The following RNF169 variants were observed in gnomAD, a reference collection of about 807,000 sequenced individuals.
RNF169 encodes the protein ring finger protein 169.
A neutral mutation model predicts 53.9 loss-of-function variants in RNF169; 24 were observed. The observed-to-expected ratio is 0.45, with a 90% CI of 0.32 to 0.63. The LOEUF (loss-of-function observed/expected upper bound fraction) is 0.63. Ranked by LOEUF, RNF169 falls within the 20% of genes least tolerant of loss-of-function variation. The pLI is 0.04. For synonymous variants in RNF169, 396 were observed against 363.5 expected (o/e 1.09, Z -1.02); for missense variants, 883 against 906.2 (o/e 0.97, Z 0.33).
At chr11:74,774,994 A>G (rs1392933717) in intron 1 of RNF169, among the ~76,000 whole-genome samples, 1 of 152,170 alleles carries the variant, frequency 6.6e-6, no homozygotes, top group Non-Finnish European at 1.5e-5. Context: ...TAAATGAGAA[A>G]GCAGAAACAG....
intron 5 of RNF169, 132 bp from the exon 6 acceptor site, chr11:74,835,414 C>T: frequency 1.5e-6 from 1 of 665,232 alleles, no homozygotes. Context: ...TTCTCCATTT[C>T]TTAGGCTCAC....
In RNF169 at chr11:74,836,751, A is replaced by G; in HGVS notation, c.*21A>G. 3 of 1,553,460 alleles carry G rather than the reference A, an allele frequency of 1.9e-6. No homozygotes were observed. The highest frequency in any genetic ancestry group is 2.2e-5 in the East Asian group (1 of 44,556). On this transcript the variant is annotated 3_prime_UTR_variant, in exon 6 of 6. Transcript: ENST00000299563. ...AGTAGCACCTAATGAAGTGTTACCTATTTTTAAAAGGTCTTAGGCCTTGAT... is the reference window on the plus strand; with the variant it reads ...AGTAGCACCTAATGAAGTGTTACCTGTTTTTAAAAGGTCTTAGGCCTTGAT...
intron 1 of RNF169, among the ~76,000 whole-genome samples, chr11:74,785,896 A>G (rs1394515728): frequency 1.3e-5 from 2 of 151,834 alleles, no homozygotes; most frequent in Non-Finnish European, 2.9e-5. Context: ...CTTTTCATGT[A>G]ATATATGTAT....
At chr11:74,821,857 T>C (rs1245672610) in intron 4 of RNF169, among the ~76,000 whole-genome samples, 2 of 152,040 alleles carry the variant, frequency 1.3e-5, no homozygotes, top group African/African-American at 4.8e-5. Flanking sequence ...TAACTGAATA[T>C]ACTAAAAACC....
At chr11:74,833,783 C>T (rs1462945615) in intron 4 of RNF169, among the ~76,000 whole-genome samples, 1 of 152,022 alleles carries the variant, frequency 6.6e-6, no homozygotes, top group Admixed American at 6.5e-5. Context: ...ATTAAGTGTC[C>T]CTACTTGTTT....
At chr11:74,830,883 T>G (rs2036167821) in intron 4 of RNF169, 1 of 152,184 alleles carries the variant, frequency 6.6e-6, no homozygotes, top group Non-Finnish European at 1.5e-5. Flanking sequence ...AAGATCAATG[T>G]AATGTACCAT....
At chr11:74,754,976 G>A (rs904041349) in intron 1 of RNF169, among the ~76,000 whole-genome samples, 1 of 152,118 alleles carries the variant, frequency 6.6e-6, no homozygotes, top group Non-Finnish European at 1.5e-5. Flanking sequence ...AGTAGTTCTG[G>A]TTTATTACTC....
At chr11:74,788,135 A>C (rs1363648263) in intron 1 of RNF169, among the ~76,000 whole-genome samples, 2 of 152,210 alleles carry the variant, frequency 1.3e-5, no homozygotes, top group Non-Finnish European at 2.9e-5. Flanking sequence ...GTAGAAAACT[A>C]GGCTTGGAAA....
At chr11:74,751,014 G>A (rs2034885744) in intron 1 of RNF169, among the ~76,000 whole-genome samples, 1 of 151,730 alleles carries the variant, frequency 6.6e-6, no homozygotes, top group African/African-American at 2.4e-5. Flanking sequence ...GGGACCACAG[G>A]CACGCGCCAC....
chr11:74,775,587 G>GT (rs1157689898), intron 1 of RNF169, among the ~76,000 whole-genome samples: 1 of 150,930 alleles, frequency 6.6e-6, no homozygotes. Context: ...TTGGAATATC[G>GT]TAAGCTTTTT....
At chr11:74,752,255 G>GA (rs1268447232) in intron 1 of RNF169, among the ~76,000 whole-genome samples, 3 of 143,232 alleles carry the variant, frequency 2.1e-5, no homozygotes, top group East Asian at 2.0e-4. Context: ...AAAAAAAAGG[G>GA]AAAAAAAAGA....
At chr11:74,825,654 C>T (rs2135139676) in intron 4 of RNF169, among the ~76,000 whole-genome samples, 1 of 152,226 alleles carries the variant, frequency 6.6e-6, no homozygotes, top group South Asian at 2.1e-4. Flanking sequence ...TTCTATAAGG[C>T]CTGCATCATC....
At chr11:74,827,672 C>T (rs2036118422) in intron 4 of RNF169, among the ~76,000 whole-genome samples, 1 of 152,084 alleles carries the variant, frequency 6.6e-6, no homozygotes, top group Non-Finnish European at 1.5e-5. Flanking sequence ...AAGGGTGGTT[C>T]AGCGTAGGCA....
intron 1 of RNF169, among the ~76,000 whole-genome samples, chr11:74,766,243 T>A (rs544428838): frequency 3.9e-4 from 60 of 152,126 alleles, no homozygotes; most frequent in African/African-American, 1.4e-3. Context: ...GAGTAAAATC[T>A]CCCCACAAAG....
chr11:74,820,468 G>A (rs2035994533), intron 4 of RNF169, among the ~76,000 whole-genome samples: 1 of 152,058 alleles, frequency 6.6e-6, no homozygotes, highest in Non-Finnish European at 1.5e-5. Context: ...AAGGGGGTGG[G>A]GGCCGTTAGG....
In RNF169 at chr11:74,839,263, A is replaced by AAGGAGGG. The variant is rs1406769288; in HGVS notation, c.*2541_*2547dup. Reference sequence around the variant, plus strand: ...AAATATAGGTAGAGTGGTCTAGGTTAAGGAGGGAGGAGGGTTGATCTTTAA... The same window carrying AAGGAGGG: ...AAATATAGGTAGAGTGGTCTAGGTTAAGGAGGGAGGAGGGAGGAGGGTTGATCTTTAA... On this transcript the variant is annotated 3_prime_UTR_variant, in exon 6 of 6. Transcript: ENST00000299563. 2.0e-5 allele frequency: 3 copies of AAGGAGGG among 152,198 alleles called. No individual in the cohort carries two copies. The highest frequency in any genetic ancestry group is 2.0e-4 in the Admixed American group (3 of 15,282). 9.4% of individuals were successfully genotyped at this position (152,198 alleles called of 1,614,324 possible).
chr11:74,820,898 A>G (rs1453639207), intron 4 of RNF169, among the ~76,000 whole-genome samples: 1 of 149,524 alleles, frequency 6.7e-6, no homozygotes, highest in Non-Finnish European at 1.5e-5. Flanking sequence ...GCTCTCTGCC[A>G]TGTTGAGTTC....
At chr11:74,814,313 G>C (rs61604911) in intron 3 of RNF169, among the ~76,000 whole-genome samples, 2 of 151,172 alleles carry the variant, frequency 1.3e-5, no homozygotes, top group Admixed American at 1.3e-4. Context: ...CTGGGTGACA[G>C]AGTGAGACTC....
rs71036015 is a variant in RNF169 at position 74,750,588 on chromosome 11, CTTTTTTTTTT to C, written c.502+1224_502+1233del. Among the ~76,000 whole-genome samples, 15 of 54,500 alleles carry C rather than the reference CTTTTTTTTTT, an allele frequency of 2.8e-4. 1 individual carries two copies. Among genetic ancestry groups the C allele is most frequent in the African/African-American group, 9.8e-4 (11 of 11,282 alleles). The allele number at this position is 54,500 out of a possible 152,430, so 35.8% of individuals were successfully genotyped here. On this transcript the variant is annotated intron_variant, in intron 1 of 5. Transcript: ENST00000299563. ...CTATGTTCCTTGTCACTCCCCTCAC[CTTTTTTTTTT>C]TTTTTTTTTTTTTTTTTGAGATGGA...
Sources: gnomAD v4.1 joint callset for allele counts (sites outside exome capture counted in the v4.1 genomes callset) on GRCh38, gnomAD v4.1.1 for gene constraint, MANE v1.5 for transcripts, NCBI Gene and HGNC (gene_info 2026-07-23, HGNC 2026-07-21) for gene names.